Variants in COBL observed in about 807,000 individuals in gnomAD.
COBL encodes the protein protein cordon-bleu.
A neutral mutation model predicts 98.8 loss-of-function variants in COBL; 51 were observed. That is an observed-to-expected ratio of 0.52 (90% CI 0.41 to 0.65). The LOEUF (loss-of-function observed/expected upper bound fraction) is 0.65, where lower values mean the gene tolerates loss of function less well. Among genes scored for constraint, COBL ranks in the 30% least tolerant of loss-of-function variants. The pLI, the probability that COBL is intolerant of heterozygous loss-of-function variation, is 0.00. For synonymous variants in COBL, 634 were observed against 651.7 expected (o/e 0.97, Z 0.41); for missense variants, 1,617 against 1,617.5 (o/e 1.00, Z 0.01).
At chr7:51,110,115 T>C (rs60681778) in intron 6 of COBL, among the ~76,000 whole-genome samples, 11,789 of 152,330 alleles carry the variant, frequency 0.077, 533 homozygotes, top group Middle Eastern at 0.16. Flanking sequence ...TTCTTTGTAT[T>C]GTAAACATTT....
chr7:51,203,715 G>A (rs1320045077), intron 2 of COBL, among the ~76,000 whole-genome samples: 1 of 151,900 alleles, frequency 6.6e-6, no homozygotes, highest in Non-Finnish European at 1.5e-5. Flanking sequence ...AACAAATACA[G>A]AGATTATATT....
intron 1 of COBL, among the ~76,000 whole-genome samples, chr7:51,311,139 CTGGCAGT>C (rs1802996887): frequency 6.6e-6 from 1 of 152,178 alleles, no homozygotes; most frequent in Admixed American, 6.5e-5. Context: ...AAAATATACT[CTGGCAGT>C]TGCTTAAAAA....
intron 1 of COBL, chr7:51,260,060 C>T: frequency 9.4e-7 from 1 of 1,066,662 alleles, no homozygotes; most frequent in East Asian, 2.4e-5. Flanking sequence ...CCTTCTTCTC[C>T]AAAAGTGTCT....
intron 7 of COBL, among the ~76,000 whole-genome samples, chr7:51,084,533 A>C (rs1666551164): frequency 6.6e-6 from 1 of 152,186 alleles, no homozygotes; most frequent in African/African-American, 2.4e-5. Context: ...GGACCTGGAC[A>C]GCGCCATCAT....
At chr7:51,220,895 C>T (rs989317579) in intron 1 of COBL, among the ~76,000 whole-genome samples, 1 of 151,994 alleles carries the variant, frequency 6.6e-6, no homozygotes, top group Admixed American at 6.6e-5. Context: ...TATACAGGTA[C>T]CTTATTTTAT....
At chr7:51,130,035 T>A (rs913032380) in intron 6 of COBL, among the ~76,000 whole-genome samples, 6 of 152,166 alleles carry the variant, frequency 3.9e-5, no homozygotes, top group Non-Finnish European at 8.8e-5. Flanking sequence ...GGGAAATGGC[T>A]GGATTCTGGA....
chr7:51,315,757 A>T lies in COBL; in HGVS notation c.41+836T>A, dbSNP rs557252467. On this transcript the variant is annotated intron_variant, in intron 1 of 12. Coordinates refer to ENST00000265136, the MANE Select transcript of COBL (RefSeq NM_015198.5). Reference sequence around the variant, plus strand: ...CTGGCTCGGGGTCTGAATAATGAGCAGGGCTGCTCGTCCTGTTTGAGGGAA... The same window carrying T: ...CTGGCTCGGGGTCTGAATAATGAGCTGGGCTGCTCGTCCTGTTTGAGGGAA... 9.2e-5 allele frequency among the ~76,000 whole-genome samples: 14 copies of T among 152,366 alleles called. No individual in the cohort carries two copies. The East Asian group carries it at 2.7e-3, about 29-fold the overall frequency.
chr7:51,241,734 A>G (rs1049136409), intron 1 of COBL, among the ~76,000 whole-genome samples: 23 of 152,188 alleles, frequency 1.5e-4, no homozygotes, highest in African/African-American at 5.1e-4. Flanking sequence ...CTCACTTCAC[A>G]TGGTTTTAAA....
intron 7 of COBL, among the ~76,000 whole-genome samples, chr7:51,068,323 C>T (rs759226632): frequency 1.3e-5 from 2 of 152,162 alleles, no homozygotes; most frequent in Non-Finnish European, 1.5e-5. Flanking sequence ...TAAAATGCTG[C>T]GACCAGCTTT....
intron 6 of COBL, among the ~76,000 whole-genome samples, chr7:51,117,365 A>G (rs1797366839): frequency 6.6e-6 from 1 of 152,072 alleles, no homozygotes; most frequent in Admixed American, 6.5e-5. Flanking sequence ...TAGAAAAAAT[A>G]AATCTTTGGG....
At chr7:51,222,395 T>G (rs920226046) in intron 1 of COBL, among the ~76,000 whole-genome samples, 2 of 152,184 alleles carry the variant, frequency 1.3e-5, no homozygotes, top group African/African-American at 2.4e-5. Context: ...GGACTAAATA[T>G]TTATTCAATT....
rs1295620064 is a variant in COBL at position 51,256,669 on chromosome 7, C to T, written c.42-36725G>A. On this transcript the variant is annotated intron_variant, in intron 1 of 12. Coordinates refer to ENST00000265136, the MANE Select transcript of COBL (RefSeq NM_015198.5). ...TGGTTTCACAGATCCCAGGCAGAGG[C>T]AGGGCAAGTGTTACTACCACCACCA... is the stretch of plus-strand genomic sequence containing the variant. 2.6e-5 allele frequency among the ~76,000 whole-genome samples: 4 copies of T among 152,340 alleles called. No homozygotes were observed. In the South Asian group the frequency reaches 6.2e-4, roughly 24 times the overall value.
chr7:51,125,472 C>T (rs1490089331), intron 6 of COBL, among the ~76,000 whole-genome samples: 1 of 152,164 alleles, frequency 6.6e-6, no homozygotes, highest in Admixed American at 6.5e-5. Context: ...AACTTACACA[C>T]CCTTTCACTT....
In COBL at chr7:51,028,535, A is replaced by T. The variant is rs1787820194; in HGVS notation, c.2561T>A (p.Val854Asp). 1 of 1,614,154 alleles carries T rather than the reference A, an allele frequency of 6.2e-7. No homozygotes were observed. Among genetic ancestry groups the T allele is most frequent in the Admixed American group, 1.7e-5 (1 of 60,026 alleles). Residue 854 changes from valine to aspartate, a missense_variant, in exon 10 of 13, where the codon GTC (valine) becomes GAC (aspartate). Val to Asp is a radical substitution (Grantham distance 152). Around this residue, in one of 3 missense-constraint regions of COBL, gnomAD observed 1,304 missense variants for 1,282.0 expected, o/e 1.02. Coordinates refer to ENST00000265136, the MANE Select transcript of COBL (RefSeq NM_015198.5). ...TCTTCTCTGAGGCTTGAGAAATGTG[A>T]CTTCTGTGGTGTGAGCTGCTGGCAC... ...VRVPAAHTTEVTFLKPQRRTS... is the reference protein window; with the variant it reads ...VRVPAAHTTEDTFLKPQRRTS...
chr7:51,074,386 G>A (rs867608038), intron 7 of COBL, among the ~76,000 whole-genome samples: 1 of 151,884 alleles, frequency 6.6e-6, no homozygotes, highest in African/African-American at 2.4e-5. Flanking sequence ...AGTAGAGATG[G>A]GGTTTCACTA....
Position 51,043,586 on chromosome 7 carries a change from C to T in COBL, c.1203G>A (p.Glu401=), listed in dbSNP as rs1053250898. The change falls in exon 8 of 13, where the codon GAG becomes GAA. Residue 401 remains glutamate, a synonymous_variant. Transcript: ENST00000265136. Reference sequence around the variant, plus strand: ...TCACTCCTGAGTCCTCGGTCGTGTCCTCCGACGCAAAACAGCTGCCAACTG... The same window carrying T: ...TCACTCCTGAGTCCTCGGTCGTGTCTTCCGACGCAAAACAGCTGCCAACTG... ...TVSVGSCFAS[E]DTTEDSGVMS... is the part of the protein sequence containing the mutation. 23 of 1,614,070 alleles carry T rather than the reference C, an allele frequency of 1.4e-5. No homozygotes were observed. Among genetic ancestry groups the T allele is most frequent in the Non-Finnish European group, 1.9e-5 (22 of 1,180,036 alleles).
chr7:51,172,462 A>G, intron 5 of COBL: 1 of 1,287,814 alleles, frequency 7.8e-7, no homozygotes, highest in Non-Finnish European at 1.0e-6. Context: ...TCACGTTCAA[A>G]CCCCTTCCTG....
chr7:51,028,419 C>T lies in COBL; in HGVS notation c.2677G>A (p.Glu893Lys), dbSNP rs776574962. Reference sequence around the variant, plus strand: ...GGCGCCTTGCCTGCATAACCCTTCTCGGCATAACCGTGTGGCCTCACCACA... The same window carrying T: ...GGCGCCTTGCCTGCATAACCCTTCTTGGCATAACCGTGTGGCCTCACCACA... ...ADVVRPHGYA[E>K]KGYAGKAPVL... is the part of the protein sequence containing the mutation. Residue 893 changes from glutamate (E) to lysine (K), a missense_variant, in exon 10 of 13, where the codon GAG becomes AAG. Physicochemically the swap from Glu to Lys is moderately conservative, Grantham distance 56. Around this residue, in one of 3 missense-constraint regions of COBL, gnomAD observed 1,304 missense variants for 1,282.0 expected, o/e 1.02. Coordinates refer to ENST00000265136, the MANE Select transcript of COBL (RefSeq NM_015198.5). 15 of 1,614,136 alleles carry T rather than the reference C, an allele frequency of 9.3e-6. No homozygotes were observed. The highest frequency in any genetic ancestry group is 2.2e-5 in the East Asian group (1 of 44,900).
At chr7:51,174,521 G>A (rs928847115) in intron 5 of COBL, among the ~76,000 whole-genome samples, 1 of 152,172 alleles carries the variant, frequency 6.6e-6, no homozygotes, top group Non-Finnish European at 1.5e-5. Flanking sequence ...AAGAGGCAGT[G>A]AAATGCACAT....
Sources: gnomAD v4.1 joint callset for allele counts (sites outside exome capture counted in the v4.1 genomes callset) on GRCh38, gnomAD v4.1.1 for gene constraint, gnomAD v4.1.1 regional missense constraint, MANE v1.5 for transcripts, NCBI Gene and HGNC (gene_info 2026-07-23, HGNC 2026-07-21) for gene names.